ITPRIP: variants seen among roughly 807,000 people sequenced by gnomAD.
ITPRIP encodes inositol 1,4,5-trisphosphate receptor-interacting protein.
A neutral mutation model predicts 35.8 loss-of-function variants in ITPRIP; 32 were observed. That is an observed-to-expected ratio of 0.89 (90% CI 0.68 to 1.20). The LOEUF (loss-of-function observed/expected upper bound fraction) is 1.20, where lower values mean the gene tolerates loss of function less well. Ranked by LOEUF, ITPRIP falls within the 50% of genes most tolerant of loss-of-function variation. ITPRIP has a pLI of 0.00. For missense variants in ITPRIP, 653 were observed against 735.6 expected (o/e 0.89, Z 1.30); for synonymous variants, 358 against 324.0 (o/e 1.11, Z -1.13).
chr10:104,331,181 C>G (rs1023482164), intron 1 of ITPRIP, among the ~76,000 whole-genome samples: 2 of 152,190 alleles, frequency 1.3e-5, no homozygotes, highest in African/African-American at 2.4e-5. Context: ...GGTGAAATGT[C>G]AGGAAGCGGC....
At chr10:104,330,574 T>C (rs991944866) in intron 1 of ITPRIP, among the ~76,000 whole-genome samples, 1 of 152,148 alleles carries the variant, frequency 6.6e-6, no homozygotes, top group Non-Finnish European at 1.5e-5. Context: ...CTTGTAGAAA[T>C]AAACAGAGGA....
intron 1 of ITPRIP, among the ~76,000 whole-genome samples, chr10:104,334,567 A>G (rs1296472285): frequency 2.0e-5 from 3 of 152,258 alleles, no homozygotes; most frequent in East Asian, 1.9e-4. Flanking sequence ...AAAATAAAAA[A>G]TTACTACATT....
In ITPRIP at chr10:104,314,009, T is replaced by A. The variant is rs2013558312; in HGVS notation, c.*399A>T. 2.0e-6 allele frequency: 2 copies of A among 1,006,802 alleles called. No homozygotes were observed. The highest frequency in any genetic ancestry group is 8.4e-5 in the South Asian group (2 of 23,736). 62.4% of individuals were successfully genotyped at this position (1,006,802 alleles called of 1,614,324 possible). The stretch of plus-strand genomic sequence containing the variant: ...GTCTTAACACGGTTCCCTGTCAGCA[T>A]TCTTGTAGATCCTCTGCTCATATTC... On this transcript the variant is annotated 3_prime_UTR_variant, in exon 2 of 2. Coordinates refer to ENST00000337478, the MANE Select transcript of ITPRIP (RefSeq NM_001272013.2).
chr10:104,323,191 G>C (rs903495881), intron 1 of ITPRIP, among the ~76,000 whole-genome samples: 10 of 152,188 alleles, frequency 6.6e-5, no homozygotes, highest in Admixed American at 6.5e-4. Flanking sequence ...GCACAGAACA[G>C]GGGAAGGGTG....
At chr10:104,335,900 A>G (rs1281291149) in intron 1 of ITPRIP, among the ~76,000 whole-genome samples, 1 of 151,994 alleles carries the variant, frequency 6.6e-6, no homozygotes, top group Non-Finnish European at 1.5e-5. Flanking sequence ...TGTGAGGATT[A>G]AATGAGTTAA....
chr10:104,313,160 G>A lies in ITPRIP; in HGVS notation c.*1248C>T, dbSNP rs1589884833. ...GCTCAGAGCCTGCAGACTGGAGCTA[G>A]GTTTCCATAGTTCTTGCTTCCATGC... is the stretch of plus-strand genomic sequence containing the variant. On this transcript the variant is annotated 3_prime_UTR_variant, in exon 2 of 2. Coordinates refer to ENST00000337478, the MANE Select transcript of ITPRIP (RefSeq NM_001272013.2). The A allele has an allele frequency of 1.0e-6, 1 of 985,522 alleles. No individual in the cohort carries two copies. Among genetic ancestry groups the A allele is most frequent in the East Asian group, 1.1e-4 (1 of 8,800 alleles). 61.0% of individuals were successfully genotyped at this position (985,522 alleles called of 1,614,324 possible).
chr10:104,320,665 G>A (rs1047091485), intron 1 of ITPRIP, among the ~76,000 whole-genome samples: 2 of 151,778 alleles, frequency 1.3e-5, no homozygotes, highest in African/African-American at 2.4e-5. Context: ...AGCCTCCTGA[G>A]TAGCTGGGAC....
At chr10:104,329,085 A>G (rs1448845971) in intron 1 of ITPRIP, among the ~76,000 whole-genome samples, 1 of 152,016 alleles carries the variant, frequency 6.6e-6, no homozygotes, top group Admixed American at 6.5e-5. Context: ...ATGCACGCAC[A>G]CACACACTCT....
rs1426820264 is a variant in ITPRIP at position 104,315,175 on chromosome 10, G to C, written c.877C>G (p.Leu293Val). 2 of 1,614,166 alleles carry C rather than the reference G, an allele frequency of 1.2e-6. No homozygotes were observed. The highest frequency in any genetic ancestry group is 1.7e-6 in the Non-Finnish European group (2 of 1,179,992). Residue 293 changes from leucine to valine, a missense_variant, in exon 2 of 2, where the codon CTG becomes GTG. Coordinates refer to ENST00000337478, the MANE Select transcript of ITPRIP (RefSeq NM_001272013.2). This position sits in a 1 kb window ranked among gnomAD's most constrained non-coding sequence, Gnocchi z 5.7. Reference sequence around the variant, plus strand: ...ATGACCTGCATCGTGTCCAGGTACAGGGAATCTGTGGCACACAGCAGGTTC... The same window carrying C: ...ATGACCTGCATCGTGTCCAGGTACACGGAATCTGTGGCACACAGCAGGTTC... The part of the protein sequence containing the change: ...MENLLCATDS[L>V]YLDTMQVMKW...
Position 104,326,668 on chromosome 10 carries a change from C to A in ITPRIP, c.-13-10604G>T, listed in dbSNP as rs1556266. 9.2e-5 allele frequency: 14 copies of A among 152,328 alleles called. No individual in the cohort carries two copies. Among genetic ancestry groups the A allele is most frequent in the African/African-American group, 2.9e-4 (12 of 41,562 alleles). The allele number at this position is 152,328 out of a possible 1,614,324, so 9.4% of individuals were successfully genotyped here. ...GCAGCCCTCAAAATATACGTCCTCG[C>A]GCTAATCCCCAGCCCCTATGAATGG... On this transcript the variant is annotated intron_variant, in intron 1 of 1. Coordinates refer to ENST00000337478, the MANE Select transcript of ITPRIP (RefSeq NM_001272013.2). This position sits in a 1 kb window ranked among gnomAD's most constrained non-coding sequence, Gnocchi z 4.8.
chr10:104,331,825 CAGA>C (rs1383610950), intron 1 of ITPRIP, among the ~76,000 whole-genome samples: 1 of 152,210 alleles, frequency 6.6e-6, no homozygotes, highest in Non-Finnish European at 1.5e-5. Flanking sequence ...AATCTCTTGG[CAGA>C]AGGAGTCTCC....
intron 1 of ITPRIP, among the ~76,000 whole-genome samples, chr10:104,325,250 T>C (rs1307873329): frequency 1.3e-5 from 2 of 152,040 alleles, no homozygotes; most frequent in African/African-American, 2.4e-5. Context: ...TAAAATATGT[T>C]AGTGGCCACC....
chr10:104,312,223 C>T lies in ITPRIP; in HGVS notation c.*2185G>A, dbSNP rs1387579777. 1.3e-5 allele frequency: 2 copies of T among 152,550 alleles called. No individual in the cohort carries two copies. The highest frequency in any genetic ancestry group is 2.9e-5 in the Non-Finnish European group (2 of 68,040). 9.4% of individuals were successfully genotyped at this position (152,550 alleles called of 1,614,324 possible). On this transcript the variant is annotated 3_prime_UTR_variant, in exon 2 of 2. Transcript: ENST00000337478. The stretch of plus-strand genomic sequence containing the variant: ...CCACTGCTTTCTGCTTTAGAAGCAG[C>T]TTTGGTGCAGAAAAGATTCCCGTTT...
chr10:104,316,367 C>T (rs887713609), intron 1 of ITPRIP, among the ~76,000 whole-genome samples: 2 of 152,186 alleles, frequency 1.3e-5, no homozygotes, highest in Admixed American at 6.5e-5. Context: ...ATATACCCAC[C>T]TCCAAGCTCC....
At chr10:104,320,249 T>C (rs1189517330) in intron 1 of ITPRIP, among the ~76,000 whole-genome samples, 1 of 152,132 alleles carries the variant, frequency 6.6e-6, no homozygotes, top group Non-Finnish European at 1.5e-5. Context: ...GGCACCTTTT[T>C]AGGTTTGACA....
rs866571589 is a variant in ITPRIP, at chr10:104,315,578, G to A, written c.474C>T (p.Ala158=). The part of the protein sequence containing the change: ...RCIRGATADA[A]RTREFLEGFV... ...AGCCTTCCAGGAACTCCCGGGTACG[G>A]GCTGCATCGGCCGTGGCCCCCCGGA... Residue 158 remains alanine (A), a synonymous_variant, in exon 2 of 2, where the codon GCC becomes GCT. Transcript: ENST00000337478. This position sits in a 1 kb window ranked among gnomAD's most constrained non-coding sequence, Gnocchi z 5.7. 6.2e-7 allele frequency: 1 copy of A among 1,613,946 alleles called. No homozygotes were observed.
Position 104,311,532 on chromosome 10 carries a change from C to T in ITPRIP, c.*2876G>A, listed in dbSNP as rs2013489031. On this transcript the variant is annotated 3_prime_UTR_variant, in exon 2 of 2. Coordinates refer to ENST00000337478, the MANE Select transcript of ITPRIP (RefSeq NM_001272013.2). Reference sequence around the variant, plus strand: ...TGATGATGAACCAGAGCTCCACCCCCAGGTTCTCAACGGGGGCTGTGCTTC... The same window carrying T: ...TGATGATGAACCAGAGCTCCACCCCTAGGTTCTCAACGGGGGCTGTGCTTC... The T allele has an allele frequency of 6.6e-6, 1 of 152,208 alleles. No individual in the cohort carries two copies. The highest frequency in any genetic ancestry group is 2.4e-5 in the African/African-American group (1 of 41,434). 9.4% of individuals were successfully genotyped at this position (152,208 alleles called of 1,614,324 possible).
At chr10:104,334,641 G>A (rs1039841824) in intron 1 of ITPRIP, among the ~76,000 whole-genome samples, 5 of 152,200 alleles carry the variant, frequency 3.3e-5, no homozygotes, top group African/African-American at 7.2e-5. Flanking sequence ...TTGAGGCACT[G>A]GCCAAGGAGA....
chr10:104,315,239 G>A lies in ITPRIP; in HGVS notation c.813C>T (p.His271=), dbSNP rs147462195. The change falls in exon 2 of 2, where the codon CAC becomes CAT. Residue 271 remains histidine (H), a synonymous_variant. Transcript: ENST00000337478. The surrounding 1 kb of genome is among the most constrained non-coding windows in gnomAD (Gnocchi z 5.7). ...AGGGAGGCGCCATGCTGTTCCTGCCGTGCAGGAGACACAGCATGTCTTCCC... is the reference window on the plus strand; with the variant it reads ...AGGGAGGCGCCATGCTGTTCCTGCCATGCAGGAGACACAGCATGTCTTCCC... The part of the protein sequence containing the change: ...KLGEDMLCLL[H]GRNSMAPPCG... The A allele has an allele frequency of 9.2e-5, 148 of 1,612,788 alleles. No individual in the cohort carries two copies. Among genetic ancestry groups the A allele is most frequent in the Non-Finnish European group, 1.1e-4 (127 of 1,179,346 alleles).
Sources: allele counts gnomAD v4.1 joint callset (sites outside exome capture counted in the v4.1 genomes callset), GRCh38; gene constraint gnomAD v4.1.1; non-coding constraint Gnocchi (gnomAD v3.1); transcripts MANE v1.5; gene names NCBI Gene and HGNC (gene_info 2026-07-23, HGNC 2026-07-21).